Variants in SKA2 observed in about 807,000 individuals in gnomAD.
SKA2 encodes spindle and kinetochore associated complex subunit 2.
SKA2 carries 13 observed loss-of-function variants against 16.9 expected under a neutral mutation model. The observed-to-expected ratio is 0.77, with a 90% CI of 0.50 to 1.22. The LOEUF is 1.22. Among genes scored for constraint, SKA2 ranks in the 50% most tolerant of loss-of-function variants. The pLI, the probability that SKA2 is intolerant of heterozygous loss-of-function variation, is 0.00. For missense variants in SKA2, 107 were observed against 139.7 expected (o/e 0.77, Z 1.18); for synonymous variants, 47 against 48.5 (o/e 0.97, Z 0.13).
rs2046253628 is a variant in SKA2 at position 59,110,039 on chromosome 17, A to G, written c.*2238T>C. 6.6e-6 allele frequency: 1 copy of G among 152,250 alleles called. No individual in the cohort carries two copies. Among genetic ancestry groups the G allele is most frequent in the Non-Finnish European group, 1.5e-5 (1 of 68,038 alleles). 9.4% of individuals were successfully genotyped at this position (152,250 alleles called of 1,614,324 possible). Reference sequence around the variant, plus strand: ...AGGTTTTAATTCCAGACAACAGAATAGTGGCTATTAACAATAAAATCAGTA... The same window carrying G: ...AGGTTTTAATTCCAGACAACAGAATGGTGGCTATTAACAATAAAATCAGTA... On this transcript the variant is annotated 3_prime_UTR_variant, in exon 4 of 4. Coordinates refer to ENST00000330137, the MANE Select transcript of SKA2 (RefSeq NM_182620.4).
rs544897676 is a variant in SKA2 at position 59,120,648 on chromosome 17, C to T, written c.121-1153G>A. The stretch of plus-strand genomic sequence containing the variant: ...GATCTATACCATAACTGTAAATTTT[C>T]GCAGGATAGAAAAAATATTCTGAAA... On this transcript the variant is annotated intron_variant, in intron 2 of 3. Coordinates refer to ENST00000330137, the MANE Select transcript of SKA2 (RefSeq NM_182620.4). Among the ~76,000 whole-genome samples the T allele has an allele frequency of 8.5e-5, 13 of 152,198 alleles. No homozygotes were observed. In the South Asian group the frequency reaches 1.2e-3, roughly 15 times the overall value.
At chr17:59,138,937 G>A (rs1172790660) in intron 1 of SKA2, among the ~76,000 whole-genome samples, 1 of 152,106 alleles carries the variant, frequency 6.6e-6, no homozygotes, top group Non-Finnish European at 1.5e-5. Flanking sequence ...TCCTACAAAG[G>A]ACCAGTGCCC....
intron 1 of SKA2, chr17:59,154,824 A>G (rs1023726883): frequency 2.2e-6 from 2 of 922,216 alleles, no homozygotes; most frequent in Non-Finnish European, 1.7e-6. Flanking sequence ...CAAACACAGA[A>G]TGCGGTCTGC....
At chr17:59,113,456 G>A (rs1379397725) in intron 3 of SKA2, among the ~76,000 whole-genome samples, 1 of 151,962 alleles carries the variant, frequency 6.6e-6, no homozygotes, top group Non-Finnish European at 1.5e-5. Flanking sequence ...CTGGGAGGCG[G>A]AGGCTGCAGT....
chr17:59,132,396 G>A (rs1287958646), intron 1 of SKA2, among the ~76,000 whole-genome samples: 1 of 152,110 alleles, frequency 6.6e-6, no homozygotes, highest in Non-Finnish European at 1.5e-5. Context: ...AGGCACAGTG[G>A]CTCATCCCTG....
At chr17:59,112,522 C>T (rs2046270210) in intron 3 of SKA2, among the ~76,000 whole-genome samples, 177 bp from the exon 4 acceptor site, 1 of 152,142 alleles carries the variant, frequency 6.6e-6, no homozygotes, top group Admixed American at 6.5e-5. Context: ...ATACAAGGTC[C>T]TATGATGTTT....
chr17:59,152,859 GAA>G, intron 1 of SKA2, among the ~76,000 whole-genome samples: 1 of 126,736 alleles, frequency 7.9e-6, no homozygotes, highest in African/African-American at 2.9e-5. Flanking sequence ...AACCTGAAAG[GAA>G]AAAAAAAAAA....
chr17:59,111,760 A>T lies in SKA2; in HGVS notation c.*517T>A. On this transcript the variant is annotated 3_prime_UTR_variant, in exon 4 of 4. Transcript: ENST00000330137. ...AGCTTATTACTTTAGGTTCTGTGGGAGACTACAGGTCACATAAAAGCAGTC... is the reference window on the plus strand; with the variant it reads ...AGCTTATTACTTTAGGTTCTGTGGGTGACTACAGGTCACATAAAAGCAGTC... 1 of 152,398 alleles carries T rather than the reference A, an allele frequency of 6.6e-6. No homozygotes were observed. The highest frequency in any genetic ancestry group is 1.9e-4 in the East Asian group (1 of 5,210). The allele number at this position is 152,398 out of a possible 1,614,324, so 9.4% of individuals were successfully genotyped here. A position where few individuals can be genotyped will look rare whatever the true frequency, so the allele number is the denominator to read the frequency against.
chr17:59,140,664 G>A (rs2046481126), intron 1 of SKA2, among the ~76,000 whole-genome samples: 1 of 149,740 alleles, frequency 6.7e-6, no homozygotes, highest in Non-Finnish European at 1.5e-5. Context: ...AGGCTGGTGT[G>A]TAGGGGTGCA....
At chr17:59,114,620 C>A (rs2046284520) in intron 3 of SKA2, among the ~76,000 whole-genome samples, 1 of 152,140 alleles carries the variant, frequency 6.6e-6, no homozygotes, top group African/African-American at 2.4e-5. Flanking sequence ...CACTGCATGT[C>A]TATATTCTGG....
intron 2 of SKA2, among the ~76,000 whole-genome samples, chr17:59,128,168 T>C (rs2046384438): frequency 6.6e-6 from 1 of 150,696 alleles, no homozygotes; most frequent in Admixed American, 6.6e-5. Flanking sequence ...TGAGCTGAGA[T>C]TGCACCACTG....
intron 2 of SKA2, among the ~76,000 whole-genome samples, chr17:59,121,720 G>A (rs940113022): frequency 4.0e-5 from 6 of 149,778 alleles, no homozygotes; most frequent in South Asian, 4.2e-4. Flanking sequence ...AGGCCGAGGC[G>A]GGCGGATTGC....
chr17:59,140,444 G>A (rs949488099), intron 1 of SKA2, among the ~76,000 whole-genome samples: 2 of 151,882 alleles, frequency 1.3e-5, no homozygotes, highest in Non-Finnish European at 2.9e-5. Flanking sequence ...GGCCAGGCTG[G>A]TCTCGAACTC....
intron 2 of SKA2, among the ~76,000 whole-genome samples, chr17:59,125,598 G>C (rs2046366771): frequency 6.6e-6 from 1 of 150,974 alleles, no homozygotes; most frequent in Non-Finnish European, 1.5e-5. Context: ...TACTCGGGAG[G>C]GTGAGGCAGG....
intron 1 of SKA2, among the ~76,000 whole-genome samples, chr17:59,154,531 C>T (rs138012777): frequency 4.6e-5 from 7 of 152,356 alleles, no homozygotes; most frequent in Non-Finnish European, 8.8e-5. Context: ...TGGTTACGAT[C>T]CCCTTCGCTC....
intron 2 of SKA2, among the ~76,000 whole-genome samples, chr17:59,127,482 G>T (rs1335507296): frequency 6.6e-6 from 1 of 152,096 alleles, no homozygotes; most frequent in Admixed American, 6.6e-5. Flanking sequence ...TTCACCTCCT[G>T]GGTTCAAGCA....
chr17:59,150,716 T>TG, intron 1 of SKA2, among the ~76,000 whole-genome samples: 1 of 152,000 alleles, frequency 6.6e-6, no homozygotes, highest in Non-Finnish European at 1.5e-5. Flanking sequence ...CACTCCAGCC[T>TG]GGGCAACAGA....
Position 59,112,259 on chromosome 17 carries a change from C to A in SKA2, c.*18G>T. 1 of 1,598,838 alleles carries A rather than the reference C, an allele frequency of 6.3e-7. No homozygotes were observed. Among genetic ancestry groups the A allele is most frequent in the African/African-American group, 1.3e-5 (1 of 74,308 alleles). On this transcript the variant is annotated 3_prime_UTR_variant, in exon 4 of 4. Transcript: ENST00000330137. ...TTAAGCTCTTCTCTGTTAGAATTTC[C>A]TTTCCAAGTCCATTTCTTCATAAAT...
At chr17:59,130,836 T>A (rs1360417725) in intron 2 of SKA2, among the ~76,000 whole-genome samples, 1 of 152,178 alleles carries the variant, frequency 6.6e-6, no homozygotes, top group Non-Finnish European at 1.5e-5. Flanking sequence ...CAACCTAAAC[T>A]TAGAGTAATT....
Sources: allele counts gnomAD v4.1 joint callset (sites outside exome capture counted in the v4.1 genomes callset), GRCh38; gene constraint gnomAD v4.1.1; transcripts MANE v1.5; gene names NCBI Gene and HGNC (gene_info 2026-07-23, HGNC 2026-07-21).